SLC30A6: variants seen among roughly 807,000 people sequenced by gnomAD.
SLC30A6 encodes the protein zinc transporter 6.
SLC30A6 carries 55 observed loss-of-function variants against 63.0 expected under a neutral mutation model. That is an observed-to-expected ratio of 0.87 (90% CI 0.70 to 1.09). The LOEUF (loss-of-function observed/expected upper bound fraction) is 1.09, where lower values mean the gene tolerates loss of function less well. Ranked by LOEUF, SLC30A6 falls within the 50% of genes least tolerant of loss-of-function variation. The pLI, the probability that SLC30A6 is intolerant of heterozygous loss-of-function variation, is 0.00. For synonymous variants in SLC30A6, 224 were observed against 186.1 expected, an observed-to-expected ratio of 1.20 and a Z score of -1.66; for missense variants, 587 against 549.2, an observed-to-expected ratio of 1.07 and a Z score of -0.69.
intron 13 of SLC30A6, among the ~76,000 whole-genome samples, chr2:32,210,431 C>G (rs1048558284): frequency 6.9e-5 from 10 of 143,958 alleles, no homozygotes; most frequent in Non-Finnish European, 1.5e-4. Context: ...AGGAGAATCT[C>G]TTGAACCCGG....
At chr2:32,210,471 C>T (rs1037278326) in intron 13 of SLC30A6, among the ~76,000 whole-genome samples, 11 of 135,946 alleles carry the variant, frequency 8.1e-5, no homozygotes, top group African/African-American at 2.8e-4. Flanking sequence ...GCCGAGATCA[C>T]GCCATTGCAC....
rs551804161 is a variant in SLC30A6, at chr2:32,191,746, C to G, written c.285-590C>G. Reference sequence around the variant, plus strand: ...ATCTGTTTGGGAAAAAAAAATGAGCCAAGTGTGGTGGCACATGCCTGTAGT... The same window carrying G: ...ATCTGTTTGGGAAAAAAAAATGAGCGAAGTGTGGTGGCACATGCCTGTAGT... On this transcript the variant is annotated intron_variant, in intron 5 of 13. Coordinates refer to ENST00000282587, the MANE Select transcript of SLC30A6 (RefSeq NM_017964.5). Among the ~76,000 whole-genome samples, 422 of 152,080 alleles carry G rather than the reference C, an allele frequency of 2.8e-3. 5 individuals are homozygous for G. Among genetic ancestry groups the G allele is most frequent in the Non-Finnish European group, 4.0e-3 (271 of 68,008 alleles).
At position 32,184,323 on chromosome 2, in the gene SLC30A6, C is replaced by T. The variant is rs771301967; in HGVS notation, c.269C>T (p.Pro90Leu). ...SYWVTLRKPS[P>L]VYSFGFERLE... The stretch of plus-strand genomic sequence containing the variant: ...TGGGTAACATTGAGGAAACCTAGCC[C>T]TGTCTATTCATTTGGGTAAGTTCAA... Residue 90 changes from proline to leucine, a missense_variant, in exon 5 of 14, where the codon CCT becomes CTT. Transcript: ENST00000282587. The T allele has an allele frequency of 1.3e-6, 2 of 1,503,414 alleles. No homozygotes were observed. Among genetic ancestry groups the T allele is most frequent in the East Asian group, 4.8e-5 (2 of 41,448 alleles). The allele number at this position is 1,503,414 out of a possible 1,614,324, so 93.1% of individuals were successfully genotyped here.
At chr2:32,184,380 TA>T in intron 5 of SLC30A6, 42 bp downstream of exon 5, 1 of 1,144,340 alleles carries the variant, frequency 8.7e-7, no homozygotes, top group Admixed American at 2.5e-5. Context: ...TTATGACTAC[TA>T]AAATATTATT....
chr2:32,188,063 A>G (rs1682995809), intron 5 of SLC30A6, among the ~76,000 whole-genome samples: 1 of 152,168 alleles, frequency 6.6e-6, no homozygotes, highest in Non-Finnish European at 1.5e-5. Flanking sequence ...AAGCCCTTAT[A>G]TGATCAGGAC....
At chr2:32,179,671 GAAAAAGCAAGAT>G (rs1682110395) in intron 4 of SLC30A6, among the ~76,000 whole-genome samples, 1 of 152,022 alleles carries the variant, frequency 6.6e-6, no homozygotes, top group South Asian at 2.1e-4. Context: ...CTAATGAGGG[GAAAAAGCAAGAT>G]ACACAACAGT....
At chr2:32,215,516 ATTTTTT>A (rs10681739) in intron 13 of SLC30A6, among the ~76,000 whole-genome samples, 3 of 132,468 alleles carry the variant, frequency 2.3e-5, no homozygotes, top group African/African-American at 8.5e-5. Flanking sequence ...ATATATATAT[ATTTTTT>A]TTTTTTTTTT....
intron 10 of SLC30A6, among the ~76,000 whole-genome samples, chr2:32,201,228 G>T (rs552187811): frequency 6.6e-6 from 1 of 152,220 alleles, no homozygotes; most frequent in Non-Finnish European, 1.5e-5. Flanking sequence ...TCTATTTCTA[G>T]CATGTGGGGA....
chr2:32,192,037 C>CT (rs34973387), intron 5 of SLC30A6, among the ~76,000 whole-genome samples: 1,666 of 135,136 alleles, frequency 0.012, 24 homozygotes, highest in African/African-American at 0.026. Flanking sequence ...TGGTAATTGT[C>CT]TTTTTTTTTT....
At chr2:32,179,647 A>G (rs985945987) in intron 4 of SLC30A6, among the ~76,000 whole-genome samples, 1 of 152,190 alleles carries the variant, frequency 6.6e-6, no homozygotes, top group African/African-American at 2.4e-5. Flanking sequence ...AAAGCATTTT[A>G]TGGTTTTGAG....
At chr2:32,177,626 T>C (rs1394860592) in intron 4 of SLC30A6, 1 of 163,018 alleles carries the variant, frequency 6.1e-6, no homozygotes, top group Admixed American at 6.5e-5. Context: ...TTTTATAGTT[T>C]TTGCTCTTAC....
intron 10 of SLC30A6, chr2:32,202,110 G>A (rs1684342244): frequency 1.3e-6 from 1 of 749,268 alleles, no homozygotes; most frequent in African/African-American, 1.8e-5. Context: ...CACATGAACA[G>A]AAAGAAGGAA....
intron 5 of SLC30A6, chr2:32,187,083 A>G (rs1263218800): frequency 4.4e-6 from 2 of 450,556 alleles, no homozygotes; most frequent in East Asian, 7.1e-5. Flanking sequence ...TAACCAAACT[A>G]CTGTGGGAAG....
chr2:32,181,811 T>G (rs572625962), intron 4 of SLC30A6, among the ~76,000 whole-genome samples: 2 of 151,754 alleles, frequency 1.3e-5, no homozygotes, highest in African/African-American at 4.8e-5. Context: ...GAGGTTGCAG[T>G]GAGCCAGGAT....
chr2:32,197,466 T>A, intron 9 of SLC30A6, 74 bp downstream of exon 9: 1 of 1,441,298 alleles, frequency 6.9e-7, no homozygotes, highest in Non-Finnish European at 9.7e-7. Flanking sequence ...CATGGGAACT[T>A]AAATTATTCG....
chr2:32,217,548 TC>T (rs1236967105), intron 13 of SLC30A6, among the ~76,000 whole-genome samples: 2 of 152,360 alleles, frequency 1.3e-5, no homozygotes, highest in African/African-American at 2.4e-5. Context: ...CTATTTGGGC[TC>T]TTTTTTGGTT....
intron 5 of SLC30A6, 66 bp downstream of exon 5, chr2:32,184,404 T>G (rs1046858777): frequency 4.5e-6 from 4 of 882,158 alleles, no homozygotes; most frequent in Admixed American, 5.7e-5. Context: ...TAGTAGACGA[T>G]AAAGAGCTAG....
At chr2:32,181,084 A>G (rs1256719401) in intron 4 of SLC30A6, among the ~76,000 whole-genome samples, 2 of 152,244 alleles carry the variant, frequency 1.3e-5, no homozygotes, top group African/African-American at 4.8e-5. Context: ...AAAGAGGTGT[A>G]GAAATATATT....
At chr2:32,216,240 A>G (rs1685690026) in intron 13 of SLC30A6, among the ~76,000 whole-genome samples, 2 of 152,108 alleles carry the variant, frequency 1.3e-5, no homozygotes, top group Non-Finnish European at 2.9e-5. Flanking sequence ...TCACTTTTTA[A>G]TAATAACCAT....
Sources: gnomAD v4.1 joint callset for allele counts (sites outside exome capture counted in the v4.1 genomes callset) on GRCh38, gnomAD v4.1.1 for gene constraint, MANE v1.5 for transcripts, NCBI Gene and HGNC (gene_info 2026-07-23, HGNC 2026-07-21) for gene names.